The following MRC1 variants were observed in gnomAD, a reference collection of about 807,000 sequenced individuals.
MRC1 encodes macrophage mannose receptor 1.
In MRC1, 62 loss-of-function variants were observed where a neutral mutation model predicts 102.9. That is an observed-to-expected ratio of 0.60 (90% CI 0.49 to 0.74). The LOEUF is 0.74. MRC1 is among the 30% of genes least tolerant of loss of function. The pLI is 0.00. For synonymous variants in MRC1, 457 were observed against 298.4 expected (o/e 1.53, Z -5.48); for missense variants, 1,237 against 862.8 (o/e 1.43, Z -5.43).
intron 24 of MRC1, among the ~76,000 whole-genome samples, chr10:17,899,416 A>G (rs908890747): frequency 6.6e-5 from 10 of 152,174 alleles, no homozygotes; most frequent in Non-Finnish European, 1.5e-4. Flanking sequence ...GAAAGATTAA[A>G]TAGTTTTTCA....
chr10:17,840,134 G>C (rs1838729690), intron 4 of MRC1, among the ~76,000 whole-genome samples: 1 of 131,844 alleles, frequency 7.6e-6, no homozygotes, highest in Admixed American at 7.0e-5. Flanking sequence ...TGAGGTCCGT[G>C]TTGTTTCTGG....
At chr10:17,868,481 C>T (rs1833309626) in intron 12 of MRC1, among the ~76,000 whole-genome samples, 1 of 152,158 alleles carries the variant, frequency 6.6e-6, no homozygotes, top group Non-Finnish European at 1.5e-5. Flanking sequence ...CACTTCCCTC[C>T]CTCAATGTGG....
chr10:17,906,827 A>G (rs1172165692), intron 26 of MRC1, 59 bp from the exon 27 acceptor site: 6 of 780,310 alleles, frequency 7.7e-6, no homozygotes, highest in African/African-American at 1.7e-5. Context: ...GCTGTTTACA[A>G]AAATATTTTC....
At chr10:17,853,604 A>G (rs1327955136) in intron 8 of MRC1, among the ~76,000 whole-genome samples, 5,698 of 119,684 alleles carry the variant, frequency 0.048, 211 homozygotes, top group African/African-American at 0.14. Flanking sequence ...GTGTGTGTAT[A>G]TATATATATA....
intron 6 of MRC1, among the ~76,000 whole-genome samples, chr10:17,849,303 TAAA>T (rs71393044): frequency 1.5e-5 from 2 of 135,266 alleles, no homozygotes; most frequent in Non-Finnish European, 1.6e-5. Flanking sequence ...CCTTGTCTCT[TAAA>T]AAAAAAAAAA....
intron 17 of MRC1, among the ~76,000 whole-genome samples, chr10:17,877,358 A>C (rs1833450895): frequency 6.7e-6 from 1 of 148,698 alleles, no homozygotes; most frequent in Non-Finnish European, 1.5e-5. Flanking sequence ...TACATGTATA[A>C]TATATTTTAT....
chr10:17,825,353 G>A (rs1838457669), intron 2 of MRC1, among the ~76,000 whole-genome samples: 1 of 152,156 alleles, frequency 6.6e-6, no homozygotes, highest in African/African-American at 2.4e-5. Flanking sequence ...CAAATTGACT[G>A]CAGTTACATG....
intron 3 of MRC1, among the ~76,000 whole-genome samples, chr10:17,831,314 A>G (rs1372028091): frequency 1.3e-5 from 2 of 151,430 alleles, no homozygotes; most frequent in Non-Finnish European, 2.9e-5. Context: ...CGACATACAC[A>G]TGAAACTTGC....
At chr10:17,830,248 C>G (rs891711135) in intron 3 of MRC1, among the ~76,000 whole-genome samples, 1 of 151,246 alleles carries the variant, frequency 6.6e-6, no homozygotes, top group African/African-American at 2.5e-5. Context: ...TCTCCTGCCT[C>G]AGCCTCCTGA....
At chr10:17,827,765 T>G (rs927644547) in intron 3 of MRC1, 50 bp downstream of exon 3, 36 of 778,652 alleles carry the variant, frequency 4.6e-5, no homozygotes, top group Admixed American at 1.7e-4. Flanking sequence ...AGTCTGATAA[T>G]GTAGTGAAAG....
intron 23 of MRC1, 95 bp downstream of exon 23, chr10:17,894,407 T>TTTTTTTTTTC: frequency 1.9e-5 from 13 of 680,026 alleles, no homozygotes; most frequent in Non-Finnish European, 2.1e-5. Flanking sequence ...TTTTTTTTTT[T>TTTTTTTTTTC]TTTTTTTTTT....
chr10:17,820,663 A>G (rs1176158342), intron 1 of MRC1, among the ~76,000 whole-genome samples: 2 of 152,086 alleles, frequency 1.3e-5, no homozygotes, highest in Non-Finnish European at 2.9e-5. Flanking sequence ...AGCTATCTGA[A>G]AAGTGGAAGA....
At chr10:17,863,842 T>C (rs1197002120) in intron 11 of MRC1, among the ~76,000 whole-genome samples, 160 bp downstream of exon 11, 3 of 152,186 alleles carry the variant, frequency 2.0e-5, no homozygotes, top group Admixed American at 6.5e-5. Context: ...CTTTTCTTCC[T>C]TTTTTTCTTT....
At chr10:17,868,603 T>TAATA (rs1833311986) in intron 12 of MRC1, among the ~76,000 whole-genome samples, 1 of 152,250 alleles carries the variant, frequency 6.6e-6, no homozygotes, top group Non-Finnish European at 1.5e-5. Context: ...TACTGTTTTC[T>TAATA]AATAGTCCTG....
At chr10:17,832,734 C>G (rs1589168721) in intron 3 of MRC1, among the ~76,000 whole-genome samples, 1 of 150,898 alleles carries the variant, frequency 6.6e-6, no homozygotes, top group South Asian at 2.1e-4. Context: ...ACTACAGGCG[C>G]CCGCCACCAC....
intron 29 of MRC1, 111 bp from the exon 30 acceptor site, chr10:17,910,104 T>A: frequency 1.3e-6 from 1 of 756,962 alleles, no homozygotes; most frequent in South Asian, 1.4e-5. Context: ...TTGACAAATG[T>A]CGCTTGAAAG....
At chr10:17,828,186 C>T (rs1050911159) in intron 3 of MRC1, among the ~76,000 whole-genome samples, 13 of 152,186 alleles carry the variant, frequency 8.5e-5, no homozygotes, top group Non-Finnish European at 1.5e-4. Flanking sequence ...ACGCCCTTCT[C>T]CTGCCTCAGC....
intron 21 of MRC1, among the ~76,000 whole-genome samples, chr10:17,884,846 G>A (rs1833569236): frequency 6.6e-6 from 1 of 152,150 alleles, no homozygotes. Flanking sequence ...GAACTGTCTG[G>A]GTTAAGAGTC....
At chr10:17,885,522 C>G in intron 22 of MRC1, 87 bp downstream of exon 22, 1 of 747,216 alleles carries the variant, frequency 1.3e-6, no homozygotes, top group Non-Finnish European at 2.5e-6. Context: ...ATGAAAGAAT[C>G]TACCAGAATA....
Sources: gnomAD v4.1 joint callset for allele counts (sites outside exome capture counted in the v4.1 genomes callset) on GRCh38, gnomAD v4.1.1 for gene constraint, MANE v1.5 for transcripts, NCBI Gene and HGNC (gene_info 2026-07-23, HGNC 2026-07-21) for gene names.